MEX3C: variants seen among roughly 807,000 people sequenced by gnomAD.
MEX3C encodes the protein mex-3 RNA binding family member C.
MEX3C carries 15 observed loss-of-function variants against 35.5 expected under a neutral mutation model. The observed-to-expected ratio is 0.42, with a 90% CI of 0.28 to 0.65. MEX3C has a LOEUF of 0.65. Among genes scored for constraint, MEX3C ranks in the 30% least tolerant of loss-of-function variants. The pLI, the probability that MEX3C is intolerant of heterozygous loss-of-function variation, is 0.20. For missense variants in MEX3C, 711 were observed against 842.8 expected, an observed-to-expected ratio of 0.84 and a Z score of 1.94; for synonymous variants, 390 against 352.8, an observed-to-expected ratio of 1.11 and a Z score of -1.18.
rs1912851883 is a variant in MEX3C at position 51,197,560 on chromosome 18, C to T, written c.-240G>A. Among the ~76,000 whole-genome samples the T allele has an allele frequency of 1.6e-5, 1 of 64,434 alleles. No individual in the cohort carries two copies. Among genetic ancestry groups the T allele is most frequent in the Non-Finnish European group, 2.9e-5 (1 of 33,922 alleles). 42.3% of individuals were successfully genotyped at this position (64,434 alleles called of 152,430 possible). A position where few individuals can be genotyped will look rare whatever the true frequency, so the allele number is the denominator to read the frequency against. ...TAACTAGGTGGGTGGGTGGGGACGG[C>T]GGCGGGGCGGGCTGGTGGAGGTGGC... On this transcript the variant is annotated 5_prime_UTR_variant, in exon 1 of 2. Transcript: ENST00000406189.
chr18:51,178,374 CTTTTT>C (rs80087001), intron 1 of MEX3C, among the ~76,000 whole-genome samples: 3 of 145,014 alleles, frequency 2.1e-5, no homozygotes, highest in African/African-American at 7.6e-5. Flanking sequence ...CTTTAACCAA[CTTTTT>C]TTTTTTTTTT....
At chr18:51,178,910 TG>T (rs549222553) in intron 1 of MEX3C, among the ~76,000 whole-genome samples, 20 of 151,496 alleles carry the variant, frequency 1.3e-4, no homozygotes, top group South Asian at 2.1e-4. Flanking sequence ...TAGGTGCTAC[TG>T]AAGTGTCACA....
chr18:51,195,494 G>A (rs1238005529), intron 1 of MEX3C: 1 of 152,162 alleles, frequency 6.6e-6, no homozygotes, highest in Non-Finnish European at 1.5e-5. Flanking sequence ...TAGACCACCT[G>A]GGAAAGATGA....
Position 51,196,648 on chromosome 18 carries a change from G to T in MEX3C, c.673C>A (p.Leu225Ile). ...GTGGTGTTGACGCTCTTTCTCCGGA[G>T]CAGGGCCGCCTGCTCCCCGTTCAGG... ...AALNGEQAAL[L>I]RRKSVNTTEC... Residue 225 changes from leucine to isoleucine, a missense_variant, in exon 1 of 2, where the codon CTC becomes ATC. Physicochemically the swap from Leu to Ile is conservative, Grantham distance 5. Transcript: ENST00000406189. 1 of 1,575,656 alleles carries T rather than the reference G, an allele frequency of 6.3e-7. No homozygotes were observed. Among genetic ancestry groups the T allele is most frequent in the Admixed American group, 1.8e-5 (1 of 56,534 alleles).
intron 1 of MEX3C, among the ~76,000 whole-genome samples, chr18:51,183,838 C>A (rs772658957): frequency 2.6e-5 from 4 of 151,806 alleles, no homozygotes; most frequent in African/African-American, 7.3e-5. Flanking sequence ...AAAATAAAAA[C>A]AACAAAAAAA....
Position 51,177,070 on chromosome 18 carries a change from G to C in MEX3C, c.1261C>G (p.Leu421Val), listed in dbSNP as rs1912322663. 6.2e-7 allele frequency: 1 copy of C among 1,613,874 alleles called. No individual in the cohort carries two copies. Among genetic ancestry groups the C allele is most frequent in the African/African-American group, 1.3e-5 (1 of 74,914 alleles). Residue 421 changes from leucine (L) to valine (V), a missense_variant, in exon 2 of 2, where the codon CTT becomes GTT. Leu to Val is a conservative substitution (Grantham distance 32). Around this residue, in one of 4 missense-constraint regions of MEX3C, gnomAD observed 187 missense variants for 201.7 expected, o/e 0.93. Transcript: ENST00000406189. The surrounding 1 kb of genome is among the most constrained non-coding windows in gnomAD (Gnocchi z 4.2). The stretch of plus-strand genomic sequence containing the variant: ...TTGGAGGAGAGCCACGCAGAGCCAA[G>C]AGTGCCACCTTCAAAGCTTACATCG... ...GTDVSFEGGT[L>V]GSAWLSSNPV...
intron 1 of MEX3C, among the ~76,000 whole-genome samples, chr18:51,183,129 A>G (rs1274788427): frequency 1.3e-5 from 2 of 152,336 alleles, no homozygotes; most frequent in African/African-American, 2.4e-5. Context: ...GTTCTGCTCT[A>G]TGGTCACCTA....
chr18:51,180,903 T>C (rs1029401754), intron 1 of MEX3C, among the ~76,000 whole-genome samples: 3 of 152,222 alleles, frequency 2.0e-5, no homozygotes, highest in Non-Finnish European at 4.4e-5. Flanking sequence ...TCACCAATCA[T>C]ACCACTGTTT....
chr18:51,191,329 G>A (rs1456916449), intron 1 of MEX3C, among the ~76,000 whole-genome samples: 1 of 152,142 alleles, frequency 6.6e-6, no homozygotes, highest in East Asian at 1.9e-4. Context: ...ACCAGTATGT[G>A]CTATGCTGTA....
rs1419360346 is a variant in MEX3C at position 51,196,913 on chromosome 18, C to A, written c.408G>T (p.Glu136Asp). 1 of 1,543,488 alleles carries A rather than the reference C, an allele frequency of 6.5e-7. No homozygotes were observed. Among genetic ancestry groups the A allele is most frequent in the African/African-American group, 1.4e-5 (1 of 72,386 alleles). Residue 136 changes from glutamate (E) to aspartate (D), a missense_variant, in exon 1 of 2, where the codon GAG (glutamate) becomes GAT (aspartate). By Grantham distance (45) the Glu-to-Asp change is conservative. Coordinates refer to ENST00000406189, the MANE Select transcript of MEX3C (RefSeq NM_016626.5). ...ACAGCAGCAGCAGCGACGACCGGTC[C>A]TCCTCCTCTGCTTCCTCCAGCTCCT... ...EEEELEEAEE[E>D]DRSSLLLLSP...
At chr18:51,187,586 A>T (rs985078956) in intron 1 of MEX3C, among the ~76,000 whole-genome samples, 1 of 152,120 alleles carries the variant, frequency 6.6e-6, no homozygotes, top group Non-Finnish European at 1.5e-5. Flanking sequence ...TTTTCCCCTA[A>T]AAACACATCA....
At chr18:51,191,473 A>C (rs903333251) in intron 1 of MEX3C, among the ~76,000 whole-genome samples, 4 of 152,180 alleles carry the variant, frequency 2.6e-5, no homozygotes, top group African/African-American at 9.7e-5. Flanking sequence ...TTTAACACTG[A>C]GGTGTCAGAG....
At chr18:51,194,633 G>A (rs915342095) in intron 1 of MEX3C, 5 of 152,170 alleles carry the variant, frequency 3.3e-5, no homozygotes, top group African/African-American at 1.2e-4. Context: ...TATAAAATAT[G>A]TTATCTTGTC....
At chr18:51,183,480 C>G (rs551894560) in intron 1 of MEX3C, among the ~76,000 whole-genome samples, 2 of 152,172 alleles carry the variant, frequency 1.3e-5, no homozygotes, top group Admixed American at 6.5e-5. Context: ...CTATAGTAGA[C>G]AGTATGATAG....
chr18:51,185,253 C>T (rs1194608485), intron 1 of MEX3C, among the ~76,000 whole-genome samples: 1 of 152,218 alleles, frequency 6.6e-6, no homozygotes, highest in East Asian at 1.9e-4. Flanking sequence ...TGCTGGCTGT[C>T]AGCTGAGGGT....
rs1279585899 is a variant in MEX3C, at chr18:51,197,189, G to A, written c.132C>T (p.Asp44=). The change falls in exon 1 of 2, where the codon GAC becomes GAT. Residue 44 remains aspartate, a synonymous_variant. Transcript: ENST00000406189. Reference sequence around the variant, plus strand: ...CCAAGCGCTCCCTCAGCAGGAGCCCGTCCCCCTCGAGCTCCGGGCCGCCCG... The same window carrying A: ...CCAAGCGCTCCCTCAGCAGGAGCCCATCCCCCTCGAGCTCCGGGCCGCCCG... ...PPSGGPELEG[D]GLLLRERLAA... 10 of 1,028,554 alleles carry A rather than the reference G, an allele frequency of 9.7e-6. No individual in the cohort carries two copies. Among genetic ancestry groups the A allele is most frequent in the Non-Finnish European group, 1.0e-5 (9 of 861,182 alleles). 63.7% of individuals were successfully genotyped at this position (1,028,554 alleles called of 1,614,324 possible).
intron 1 of MEX3C, among the ~76,000 whole-genome samples, chr18:51,178,162 T>C (rs981639742): frequency 1.3e-5 from 2 of 152,166 alleles, no homozygotes; most frequent in African/African-American, 4.8e-5. Context: ...GATTTTGTAA[T>C]CATTGTAAAG....
At chr18:51,187,784 G>T (rs11082860) in intron 1 of MEX3C, among the ~76,000 whole-genome samples, 58,249 of 151,922 alleles carry the variant, frequency 0.38, 11,787 homozygotes, top group Non-Finnish European at 0.45. Flanking sequence ...TGAATGAAGG[G>T]GTTGTATTAA....
At position 51,177,652 on chromosome 18, in the gene MEX3C, C is replaced by T. The variant is rs1383621960; in HGVS notation, c.755-76G>A. 1 of 1,446,018 alleles carries T rather than the reference C, an allele frequency of 6.9e-7. No individual in the cohort carries two copies. Among genetic ancestry groups the T allele is most frequent in the Non-Finnish European group, 9.2e-7 (1 of 1,081,252 alleles). 89.6% of individuals were successfully genotyped at this position (1,446,018 alleles called of 1,614,324 possible). ...ATATAAAGACAAATCACAGAATGCACCTTTTAAGCTAAATATCTGGTTATG... is the reference window on the plus strand; with the variant it reads ...ATATAAAGACAAATCACAGAATGCATCTTTTAAGCTAAATATCTGGTTATG... On this transcript the variant is annotated intron_variant, in intron 1 of 1. Transcript: ENST00000406189. The surrounding 1 kb of genome is among the most constrained non-coding windows in gnomAD (Gnocchi z 4.2).
Sources: allele counts gnomAD v4.1 joint callset (sites outside exome capture counted in the v4.1 genomes callset), GRCh38; gene constraint gnomAD v4.1.1; regional missense constraint gnomAD v4.1.1; non-coding constraint Gnocchi (gnomAD v3.1); transcripts MANE v1.5; gene names NCBI Gene and HGNC (gene_info 2026-07-23, HGNC 2026-07-21).